Variants in DGKI observed in about 807,000 individuals in gnomAD.
The protein encoded by DGKI is DAG kinase iota.
In DGKI, 55 loss-of-function variants were observed where a neutral mutation model predicts 147.5. The ratio of observed to expected loss-of-function variants is 0.37; its 90% CI spans 0.30 to 0.47. DGKI has a LOEUF of 0.47. DGKI is among the 20% of genes least tolerant of loss of function. DGKI has a pLI of 1.00. For synonymous variants in DGKI, 469 were observed against 477.1 expected (o/e 0.98, Z 0.22); for missense variants, 1,007 against 1,323.8 (o/e 0.76, Z 3.71).
intron 1 of DGKI, among the ~76,000 whole-genome samples, chr7:137,716,866 C>A (rs1794392070): frequency 1.3e-5 from 2 of 152,228 alleles, no homozygotes; most frequent in African/African-American, 4.8e-5. Flanking sequence ...ACCAGCTCTA[C>A]CTTCTGGCCT....
At chr7:137,398,360 A>G (rs925702676) in intron 30 of DGKI, among the ~76,000 whole-genome samples, 8 of 152,296 alleles carry the variant, frequency 5.3e-5, no homozygotes, top group Admixed American at 2.6e-4. Flanking sequence ...AAAACCCCTT[A>G]AAGTTTTGGC....
chr7:137,722,342 A>G (rs1794588391), intron 1 of DGKI: 26 of 1,612,810 alleles, frequency 1.6e-5, no homozygotes, highest in Non-Finnish European at 3.4e-6. Context: ...TATCCTACTG[A>G]AGATGTGCCT....
intron 1 of DGKI, among the ~76,000 whole-genome samples, chr7:137,843,797 C>CA (rs1798628401): frequency 5.2e-5 from 4 of 76,744 alleles, no homozygotes; most frequent in East Asian, 1.2e-3. Flanking sequence ...ACACACACAC[C>CA]CTCTCTCCCA....
chr7:137,529,119 A>G (rs1817249982), intron 20 of DGKI, among the ~76,000 whole-genome samples: 1 of 152,170 alleles, frequency 6.6e-6, no homozygotes. Flanking sequence ...TTTTCTGGAG[A>G]TCTTCAAAGT....
At chr7:137,399,947 A>G (rs1189711953) in intron 30 of DGKI, among the ~76,000 whole-genome samples, 1 of 151,940 alleles carries the variant, frequency 6.6e-6, no homozygotes, top group African/African-American at 2.4e-5. Flanking sequence ...AAGAGTCAAT[A>G]CACATAGTGT....
intron 1 of DGKI, among the ~76,000 whole-genome samples, chr7:137,716,528 A>C (rs569526616): frequency 1.3e-5 from 2 of 152,354 alleles, no homozygotes; most frequent in Admixed American, 1.3e-4. Context: ...AGGAAAACTC[A>C]GCAGGGAGGT....
intron 1 of DGKI, among the ~76,000 whole-genome samples, chr7:137,798,019 C>T (rs867272405): frequency 6.6e-6 from 1 of 152,162 alleles, no homozygotes; most frequent in Middle Eastern, 3.4e-3. Flanking sequence ...AATGGGGGAA[C>T]ATCAGTACTG....
intron 23 of DGKI, 48 bp downstream of exon 23, chr7:137,485,326 T>C: frequency 7.0e-7 from 1 of 1,432,602 alleles, no homozygotes; most frequent in Non-Finnish European, 9.7e-7. Flanking sequence ...AAAGATGGAC[T>C]TCATTTGGCC....
chr7:137,422,541 CA>C (rs1380149679), intron 28 of DGKI, among the ~76,000 whole-genome samples: 1 of 138,662 alleles, frequency 7.2e-6, no homozygotes, highest in Admixed American at 7.2e-5. Context: ...ATTAAGCTTT[CA>C]AAAAAAACCA....
At chr7:137,773,623 A>G (rs1277485485) in intron 1 of DGKI, among the ~76,000 whole-genome samples, 1 of 152,228 alleles carries the variant, frequency 6.6e-6, no homozygotes, top group Non-Finnish European at 1.5e-5. Context: ...CAGGACTCAC[A>G]TCTATCTACT....
At chr7:137,687,044 C>G (rs541024621) in intron 2 of DGKI, among the ~76,000 whole-genome samples, 1 of 152,020 alleles carries the variant, frequency 6.6e-6, no homozygotes. Context: ...TAGTAGTAGA[C>G]GCCTTTGAGA....
At chr7:137,506,517 A>G (rs1159677039) in intron 21 of DGKI, among the ~76,000 whole-genome samples, 2 of 152,176 alleles carry the variant, frequency 1.3e-5, no homozygotes, top group Non-Finnish European at 1.5e-5. Context: ...CAATACAATA[A>G]TGACTGCATG....
Position 137,666,501 on chromosome 7 carries a change from T to C in DGKI, c.607-9961A>G, listed in dbSNP as rs1822647163. ...ATTCATTTGGGTGACTATCGCGTAC[T>C]GCCACCATCTTTTGGAAATCTTCTT... On this transcript the variant is annotated intron_variant, in intron 3 of 32. Transcript: ENST00000614521. Among the ~76,000 whole-genome samples the C allele has an allele frequency of 2.0e-5, 3 of 152,250 alleles. No individual in the cohort carries two copies. The South Asian group carries it at 6.2e-4, about 32-fold the overall frequency.
At chr7:137,729,143 T>C (rs1443881253) in intron 1 of DGKI, among the ~76,000 whole-genome samples, 1 of 152,152 alleles carries the variant, frequency 6.6e-6, no homozygotes, top group East Asian at 1.9e-4. Flanking sequence ...TGCCAAATTT[T>C]TATTTTGCTA....
intron 28 of DGKI, among the ~76,000 whole-genome samples, chr7:137,419,893 C>T (rs934825414): frequency 4.6e-5 from 7 of 152,166 alleles, no homozygotes; most frequent in African/African-American, 1.7e-4. Flanking sequence ...CTTCTAATGA[C>T]ATGCAACTCT....
chr7:137,692,771 CAAGT>C (rs1475703688), intron 1 of DGKI, among the ~76,000 whole-genome samples: 3 of 152,060 alleles, frequency 2.0e-5, no homozygotes, highest in Non-Finnish European at 4.4e-5. Context: ...GGAATAGAAA[CAAGT>C]AAGGCCTTTT....
intron 1 of DGKI, among the ~76,000 whole-genome samples, chr7:137,715,810 G>A (rs926922218): frequency 6.6e-6 from 1 of 152,116 alleles, no homozygotes; most frequent in African/African-American, 2.4e-5. Context: ...TCTCAGAAAG[G>A]GAGTGAATTC....
intron 1 of DGKI, among the ~76,000 whole-genome samples, chr7:137,790,078 C>T (rs977223625): frequency 2.0e-5 from 3 of 152,154 alleles, no homozygotes; most frequent in African/African-American, 7.2e-5. Flanking sequence ...CACTGTAGCA[C>T]AAAAGTAGCC....
chr7:137,538,669 T>C (rs1817592680), intron 20 of DGKI, among the ~76,000 whole-genome samples: 1 of 152,170 alleles, frequency 6.6e-6, no homozygotes, highest in East Asian at 1.9e-4. Context: ...AGAAATGCAG[T>C]CCGATAGTTC....
Sources: gnomAD v4.1 joint callset for allele counts (sites outside exome capture counted in the v4.1 genomes callset) on GRCh38, gnomAD v4.1.1 for gene constraint, MANE v1.5 for transcripts, NCBI Gene and HGNC (gene_info 2026-07-23, HGNC 2026-07-21) for gene names.